JHY: variants seen among roughly 807,000 people sequenced by gnomAD.
JHY encodes the protein jhy protein homolog.
JHY carries 69 observed loss-of-function variants against 78.0 expected under a neutral mutation model. That is an observed-to-expected ratio of 0.88 (90% CI 0.73 to 1.08). The LOEUF (loss-of-function observed/expected upper bound fraction) is 1.08. Ranked by LOEUF, JHY falls within the 50% of genes least tolerant of loss-of-function variation. JHY has a pLI of 0.00. For missense variants in JHY, 944 were observed against 927.8 expected, an observed-to-expected ratio of 1.02 and a Z score of -0.23; for synonymous variants, 368 against 342.6, an observed-to-expected ratio of 1.07 and a Z score of -0.82.
chr11:122,957,308 G>A, intron 7 of JHY, 55 bp from the exon 8 acceptor site: 1 of 1,484,470 alleles, frequency 6.7e-7, no homozygotes, highest in South Asian at 1.5e-5. Flanking sequence ...TTTAAATAGA[G>A]AGCAGAGAGA....
At chr11:122,914,229 C>T (rs140278711) in intron 3 of JHY, among the ~76,000 whole-genome samples, 9 of 152,214 alleles carry the variant, frequency 5.9e-5, no homozygotes, top group East Asian at 1.9e-4. Flanking sequence ...TTTAAATTTA[C>T]GTCTCCTAAT....
chr11:122,934,797 C>G lies in JHY; in HGVS notation c.1356C>G (p.Val452=). ...FAPPKQAFDK[V]LSKNSTGCDS... is the part of the protein sequence containing the mutation. ...CACCAAAACAGGCTTTTGACAAGGT[C>G]TTATCTAAAAACTCTACTGGATGTG... Residue 452 remains valine, a synonymous_variant, in exon 5 of 9, where the codon GTC becomes GTG. Transcript: ENST00000227349. The G allele has an allele frequency of 6.2e-7, 1 of 1,614,130 alleles. No individual in the cohort carries two copies. The highest frequency in any genetic ancestry group is 1.6e-4 in the Middle Eastern group (1 of 6,062).
chr11:122,905,264 C>A (rs1266784885), intron 3 of JHY: 13 of 1,613,760 alleles, frequency 8.1e-6, no homozygotes, highest in Non-Finnish European at 1.1e-5. Flanking sequence ...CACATAAAGA[C>A]CTTCCTGCCC....
intron 2 of JHY, among the ~76,000 whole-genome samples, chr11:122,890,407 A>G (rs1306423324): frequency 6.6e-6 from 1 of 152,176 alleles, no homozygotes; most frequent in African/African-American, 2.4e-5. Flanking sequence ...CCATGGCCCC[A>G]AACCCTGTTT....
intron 6 of JHY, among the ~76,000 whole-genome samples, chr11:122,953,291 A>G (rs2135380560): frequency 6.6e-6 from 1 of 152,250 alleles, no homozygotes; most frequent in East Asian, 1.9e-4. Context: ...GTACTATAGT[A>G]CTAAAATGCT....
At chr11:122,913,309 CT>C (rs1863169435) in intron 3 of JHY, among the ~76,000 whole-genome samples, 1 of 152,180 alleles carries the variant, frequency 6.6e-6, no homozygotes, top group Non-Finnish European at 1.5e-5. Flanking sequence ...AATATTTACA[CT>C]TTAAAATAAG....
intron 3 of JHY, among the ~76,000 whole-genome samples, chr11:122,920,888 T>G (rs964797396): frequency 6.6e-6 from 1 of 152,224 alleles, no homozygotes; most frequent in Non-Finnish European, 1.5e-5. Context: ...TGACAAGCCA[T>G]GATTGCTGTC....
intron 2 of JHY, among the ~76,000 whole-genome samples, chr11:122,903,563 C>T (rs1158521347): frequency 3.9e-5 from 6 of 152,174 alleles, no homozygotes; most frequent in Non-Finnish European, 7.4e-5. Context: ...ACTGTAGCCT[C>T]TAACTCCTTA....
Position 122,936,418 on chromosome 11 carries a change from A to G in JHY, c.1634+1343A>G, listed in dbSNP as rs573878023. On this transcript the variant is annotated intron_variant, in intron 5 of 8. Transcript: ENST00000227349. ...GAAGAGATAATGATAAATAGCAGGC[A>G]TCTTTGTCTTTTTTTTTTTTCCTGA... 3.3e-5 allele frequency among the ~76,000 whole-genome samples: 5 copies of G among 150,718 alleles called. No homozygotes were observed. In the South Asian group the frequency reaches 6.3e-4, roughly 19 times the overall value.
chr11:122,898,601 C>T lies in JHY; in HGVS notation c.345-5324C>T, dbSNP rs932910075. ...GCAGAACAGTGATCCCCAGTGTTGT[C>T]ACCTGTGAAAGGTGGCCAGCCCTGC... On this transcript the variant is annotated intron_variant, in intron 2 of 8. Transcript: ENST00000227349. The surrounding 1 kb of genome is among the most constrained non-coding windows in gnomAD (Gnocchi z 4.4). 6.6e-5 allele frequency among the ~76,000 whole-genome samples: 10 copies of T among 152,196 alleles called. No homozygotes were observed. The highest frequency in any genetic ancestry group is 2.4e-4 in the African/African-American group (10 of 41,450).
intron 2 of JHY, among the ~76,000 whole-genome samples, chr11:122,893,139 A>G (rs1048745742): frequency 2.0e-5 from 3 of 152,184 alleles, no homozygotes; most frequent in African/African-American, 7.2e-5. Flanking sequence ...AGAGGTTTCC[A>G]TGCAGTATTC....
intron 5 of JHY, among the ~76,000 whole-genome samples, chr11:122,943,268 T>A (rs1863909303): frequency 6.6e-6 from 1 of 152,240 alleles, no homozygotes; most frequent in East Asian, 1.9e-4. Flanking sequence ...ATAAAGTTAT[T>A]TTAGATATAT....
Position 122,934,313 on chromosome 11 carries a change from CAAATAAATAAATAAAT to C in JHY, c.979-80_979-65del, listed in dbSNP as rs36092881. 1.7e-3 allele frequency: 891 copies of C among 512,634 alleles called. 5 individuals carry two copies. The African/African-American group carries it at 0.021, about 12-fold the overall frequency. The allele number at this position is 512,634 out of a possible 1,614,324, so 31.8% of individuals were successfully genotyped here. A position where few individuals can be genotyped will look rare whatever the true frequency, so the allele number is the denominator to read the frequency against. The stretch of plus-strand genomic sequence containing the variant: ...CCTGGGAGACAGTGAGACTCCGTCT[CAAATAAATAAATAAAT>C]AAATAAATAAATAAATAAATAAATA... On this transcript the variant is annotated intron_variant, in intron 4 of 8. Coordinates refer to ENST00000227349, the MANE Select transcript of JHY (RefSeq NM_024806.4).
intron 4 of JHY, among the ~76,000 whole-genome samples, chr11:122,926,790 A>G (rs1863517553): frequency 6.6e-6 from 1 of 152,218 alleles, no homozygotes. Context: ...TGACTGGGCA[A>G]ATCTCAGCTT....
intron 3 of JHY, among the ~76,000 whole-genome samples, chr11:122,924,319 C>CCAA (rs1364070343): frequency 6.6e-5 from 10 of 152,066 alleles, no homozygotes; most frequent in African/African-American, 2.2e-4. Flanking sequence ...GATAGACCAC[C>CCAA]CAGCTCTACT....
chr11:122,893,510 A>G (rs188478924), intron 2 of JHY, among the ~76,000 whole-genome samples: 83 of 152,312 alleles, frequency 5.4e-4, no homozygotes, highest in Non-Finnish European at 1.5e-5. Flanking sequence ...TTGCGTTAAA[A>G]TAAGTACATA....
At position 122,884,101 on chromosome 11, in the gene JHY, G is replaced by A. The variant is rs554798943; in HGVS notation, c.-90+1129G>A. On this transcript the variant is annotated intron_variant, in intron 1 of 8. Transcript: ENST00000227349. ...AATGCAATATGTATTTTAAAAATAAGAGACAAAATAATACAACAAACCAGT... is the reference window on the plus strand; with the variant it reads ...AATGCAATATGTATTTTAAAAATAAAAGACAAAATAATACAACAAACCAGT... Among the ~76,000 whole-genome samples, 16 of 152,244 alleles carry A rather than the reference G, an allele frequency of 1.1e-4. No homozygotes were observed. The East Asian group carries it at 1.7e-3, about 17-fold the overall frequency.
At chr11:122,905,452 A>G (rs1862967953) in intron 3 of JHY, 2 of 1,296,474 alleles carry the variant, frequency 1.5e-6, no homozygotes, top group African/African-American at 3.0e-5. Flanking sequence ...CCAAATCCCA[A>G]CTGGTATTTT....
intron 2 of JHY, among the ~76,000 whole-genome samples, chr11:122,896,028 A>C (rs1358129966): frequency 6.6e-6 from 1 of 152,156 alleles, no homozygotes; most frequent in African/African-American, 2.4e-5. Context: ...TTCAGGTGTA[A>C]ATGGTGCAAC....
Sources: allele counts gnomAD v4.1 joint callset (sites outside exome capture counted in the v4.1 genomes callset), GRCh38; gene constraint gnomAD v4.1.1; non-coding constraint Gnocchi (gnomAD v3.1); transcripts MANE v1.5; gene names NCBI Gene and HGNC (gene_info 2026-07-23, HGNC 2026-07-21).